The following NOL4 variants were observed in gnomAD, a reference collection of about 807,000 sequenced individuals.
NOL4 encodes cancer/testis antigen 125.
In NOL4, 17 loss-of-function variants were observed where a neutral mutation model predicts 75.9. The ratio of observed to expected loss-of-function variants is 0.22; its 90% CI spans 0.15 to 0.34. NOL4 has a LOEUF of 0.34. Ranked by LOEUF, NOL4 falls within the 10% of genes least tolerant of loss-of-function variation. The pLI, the probability that NOL4 is intolerant of heterozygous loss-of-function variation, is 1.00. For missense variants in NOL4, 614 were observed against 793.5 expected (o/e 0.77, Z 2.72); for synonymous variants, 292 against 289.9 (o/e 1.01, Z -0.07).
rs552070755 is a variant in NOL4, at chr18:34,141,172, C to T, written c.265-11152G>A. 1.6e-4 allele frequency among the ~76,000 whole-genome samples: 24 copies of T among 152,020 alleles called. No homozygotes were observed. In the South Asian group the frequency reaches 1.7e-3, roughly 11 times the overall value. On this transcript the variant is annotated intron_variant, in intron 1 of 10. Coordinates refer to ENST00000261592, the MANE Select transcript of NOL4 (RefSeq NM_003787.5). ...AGGAGAACTACAAACCACTGCTTAA[C>T]GAAATAAAAGAGGACACAAACAAAT...
intron 1 of NOL4, among the ~76,000 whole-genome samples, chr18:34,178,161 G>T (rs1415558344): frequency 2.0e-5 from 3 of 151,680 alleles, no homozygotes; most frequent in Admixed American, 2.0e-4. Flanking sequence ...TATTATGTTG[G>T]TATAAATGTT....
intron 1 of NOL4, among the ~76,000 whole-genome samples, chr18:34,161,445 C>A (rs1419116961): frequency 1.3e-5 from 2 of 152,100 alleles, no homozygotes; most frequent in East Asian, 3.9e-4. Context: ...AAAAGGAGGA[C>A]AATTTTGCAA....
chr18:33,957,329 C>T lies in NOL4; in HGVS notation c.1425G>A (p.Glu475=), dbSNP rs944908586. The stretch of plus-strand genomic sequence containing the variant: ...TGTGTTTTAATTCAAAACTCACCAT[C>T]TCAAAACCACTTCTTTTCATCCGCC... ...SCRRMKRSGF[E]MSRPIPSHLT... is the part of the protein sequence containing the mutation. Residue 475 remains glutamate (E), a synonymous_variant, in exon 8 of 11, where the codon GAG becomes GAA. Coordinates refer to ENST00000261592, the MANE Select transcript of NOL4 (RefSeq NM_003787.5). 3.1e-6 allele frequency: 5 copies of T among 1,611,078 alleles called. No individual in the cohort carries two copies. The highest frequency in any genetic ancestry group is 1.7e-5 in the Admixed American group (1 of 59,846).
chr18:33,936,511 T>C (rs1378230362), intron 9 of NOL4, among the ~76,000 whole-genome samples: 1 of 151,870 alleles, frequency 6.6e-6, no homozygotes, highest in Admixed American at 6.6e-5. Context: ...AACGTGCCAT[T>C]TCCCCTTCCC....
chr18:33,997,308 C>G (rs2073365169), intron 6 of NOL4, among the ~76,000 whole-genome samples: 1 of 151,850 alleles, frequency 6.6e-6, no homozygotes, highest in South Asian at 2.1e-4. Context: ...AGCCAATTAT[C>G]CCAGCAGCAT....
At position 33,880,456 on chromosome 18, in the gene NOL4, A is replaced by G. The variant is rs2144638300; in HGVS notation, c.1723+2788T>C. On this transcript the variant is annotated intron_variant, in intron 10 of 10. Coordinates refer to ENST00000261592, the MANE Select transcript of NOL4 (RefSeq NM_003787.5). Reference sequence around the variant, plus strand: ...ATACATGCATAGCTTTATATTATACAGTTAAATTTCTGACTTTAGACTCCT... The same window carrying G: ...ATACATGCATAGCTTTATATTATACGGTTAAATTTCTGACTTTAGACTCCT... Among the ~76,000 whole-genome samples, 2 of 152,122 alleles carry G rather than the reference A, an allele frequency of 1.3e-5. 1 individual carries two copies. Among genetic ancestry groups the G allele is most frequent in the South Asian group, 4.1e-4 (2 of 4,824 alleles).
chr18:33,886,535 A>C (rs1016078212), intron 9 of NOL4, among the ~76,000 whole-genome samples: 1 of 151,068 alleles, frequency 6.6e-6, no homozygotes, highest in African/African-American at 2.4e-5. Flanking sequence ...CTCAAAAAAA[A>C]AAAAAAGAAA....
At chr18:33,899,176 T>C (rs977135421) in intron 9 of NOL4, among the ~76,000 whole-genome samples, 2 of 152,092 alleles carry the variant, frequency 1.3e-5, no homozygotes, top group Non-Finnish European at 2.9e-5. Flanking sequence ...GTGGGGGTAT[T>C]GTGATCTGAC....
At chr18:34,144,806 A>C (rs2081331564) in intron 1 of NOL4, among the ~76,000 whole-genome samples, 1 of 152,188 alleles carries the variant, frequency 6.6e-6, no homozygotes, top group African/African-American at 2.4e-5. Flanking sequence ...ATAAAATCAA[A>C]GTGCCCTTTA....
intron 5 of NOL4, among the ~76,000 whole-genome samples, chr18:34,086,660 AAATTC>A (rs1208074023): frequency 7.2e-5 from 11 of 152,154 alleles, no homozygotes; most frequent in African/African-American, 2.4e-4. Flanking sequence ...CAACCAAATT[AAATTC>A]AATTTTAGCC....
intron 9 of NOL4, among the ~76,000 whole-genome samples, chr18:33,942,590 CATTT>C (rs1238550321): frequency 1.2e-4 from 18 of 152,036 alleles, no homozygotes; most frequent in African/African-American, 4.3e-4. Context: ...TGTATATCCT[CATTT>C]TGTGACTTTC....
chr18:34,194,410 GGGAA>G (rs1322122295), intron 1 of NOL4, among the ~76,000 whole-genome samples: 14 of 142,424 alleles, frequency 9.8e-5, no homozygotes, highest in Admixed American at 2.2e-4. Flanking sequence ...GAAAAAGGTA[GGGAA>G]GGAGGGAGGG....
intron 7 of NOL4, 111 bp from the exon 8 acceptor site, chr18:33,957,628 T>C: frequency 2.5e-6 from 2 of 800,022 alleles, no homozygotes; most frequent in Non-Finnish European, 3.7e-6. Context: ...GTTTATGCAC[T>C]GGAGAACTTT....
At chr18:34,134,402 C>A (rs2080798391) in intron 1 of NOL4, among the ~76,000 whole-genome samples, 1 of 150,616 alleles carries the variant, frequency 6.6e-6, no homozygotes, top group African/African-American at 2.4e-5. Flanking sequence ...ACCAGACAGA[C>A]AAAACAACGA....
intron 1 of NOL4, among the ~76,000 whole-genome samples, chr18:34,218,354 C>T (rs2037062925): frequency 6.6e-6 from 1 of 152,184 alleles, no homozygotes; most frequent in Non-Finnish European, 1.5e-5. Flanking sequence ...CCCCATCTCC[C>T]TATTGTGGCT....
At chr18:33,989,190 C>CAAAAA (rs55924436) in intron 6 of NOL4, among the ~76,000 whole-genome samples, 11 of 65,104 alleles carry the variant, frequency 1.7e-4, no homozygotes, top group Non-Finnish European at 2.5e-4. Flanking sequence ...CCCATCTCTA[C>CAAAAA]AAAAAAAAAA....
chr18:33,860,495 CTT>C (rs200421698), intron 10 of NOL4, among the ~76,000 whole-genome samples: 2,161 of 152,238 alleles, frequency 0.014, 49 homozygotes, highest in African/African-American at 0.049. Context: ...CTTCCTGAGA[CTT>C]TGCTGAAGTT....
At chr18:34,201,116 GA>G (rs1177892449) in intron 1 of NOL4, among the ~76,000 whole-genome samples, 1 of 151,662 alleles carries the variant, frequency 6.6e-6, no homozygotes, top group Non-Finnish European at 1.5e-5. Context: ...GAGAGCAAGA[GA>G]GGGGGACAGA....
intron 2 of NOL4, among the ~76,000 whole-genome samples, chr18:34,127,369 A>G (rs960628055): frequency 2.0e-5 from 3 of 151,948 alleles, no homozygotes; most frequent in African/African-American, 7.2e-5. Flanking sequence ...CACTTTAATG[A>G]TTAGTTATAT....
Sources: gnomAD v4.1 joint callset for allele counts (sites outside exome capture counted in the v4.1 genomes callset) on GRCh38, gnomAD v4.1.1 for gene constraint, MANE v1.5 for transcripts, NCBI Gene and HGNC (gene_info 2026-07-23, HGNC 2026-07-21) for gene names.